SLC5A4: variants seen among roughly 807,000 people sequenced by gnomAD.
The protein encoded by SLC5A4 is solute carrier family 5 member 4.
Under a neutral mutation model 70.3 loss-of-function variants are expected in SLC5A4, and 55 were observed. The ratio of observed to expected loss-of-function variants is 0.78; its 90% confidence interval spans 0.63 to 0.98. The LOEUF (loss-of-function observed/expected upper bound fraction) is 0.98. Ranked by LOEUF, SLC5A4 falls within the 50% of genes least tolerant of loss-of-function variation. SLC5A4 has a pLI of 0.00. For synonymous variants in SLC5A4, 268 were observed against 305.7 expected (o/e 0.88, Z 1.29); for missense variants, 735 against 839.2 (o/e 0.88, Z 1.53).
the SLC5A4 span, among the ~76,000 whole-genome samples, chr22:32,334,342 TCAG>T: frequency 1.3e-5 from 2 of 152,232 alleles, no homozygotes; most frequent in South Asian, 4.1e-4. Flanking sequence ...TCCTTCCTGG[TCAG>T]CAGCAACACC....
chr22:32,341,725 A>G, the SLC5A4 span, among the ~76,000 whole-genome samples: 53 of 152,172 alleles, frequency 3.5e-4, no homozygotes, highest in African/African-American at 1.3e-3. Context: ...GCCCCTGCCA[A>G]CCTCTTCATT....
the SLC5A4 span, among the ~76,000 whole-genome samples, chr22:32,309,868 C>T: frequency 6.6e-5 from 10 of 151,438 alleles, no homozygotes; most frequent in African/African-American, 2.2e-4. Flanking sequence ...TCTGCACCTG[C>T]CTTTGCTGCA....
Position 32,251,578 on chromosome 22 carries a change from G to A in SLC5A4, c.312+192C>T, listed in dbSNP as rs5994514. Among the ~76,000 whole-genome samples, 1,208 of 151,498 alleles carry A rather than the reference G, an allele frequency of 8.0e-3. 14 individuals carry two copies. The highest frequency in any genetic ancestry group is 0.027 in the African/African-American group (1,125 of 41,208). On this transcript the variant is annotated intron_variant, in intron 3 of 14. Coordinates refer to ENST00000266086, the MANE Select transcript of SLC5A4 (RefSeq NM_014227.3). ...CACCTTCCACCTTCCACCATGGGAC[G>A]ATGAAGCAAGAAGCCCTTGCCAGAT...
At chr22:32,308,073 T>TTACC in the SLC5A4 span, among the ~76,000 whole-genome samples, 49 of 152,232 alleles carry the variant, frequency 3.2e-4, no homozygotes, top group South Asian at 5.6e-3. Flanking sequence ...TCCTTCCTTC[T>TTACC]TACCTACCTA....
the SLC5A4 span, among the ~76,000 whole-genome samples, chr22:32,282,632 C>T: frequency 4.6e-5 from 7 of 152,176 alleles, no homozygotes; most frequent in African/African-American, 1.7e-4. Flanking sequence ...GACCTCTGTC[C>T]TGACTCCTGA....
intron 10 of SLC5A4, 111 bp from the exon 11 acceptor site, chr22:32,229,455 C>A: frequency 9.1e-7 from 1 of 1,099,014 alleles, no homozygotes; most frequent in Middle Eastern, 2.8e-4. Context: ...TAACTGATGT[C>A]CTTATCAATA....
chr22:32,306,020 A>C, the SLC5A4 span, among the ~76,000 whole-genome samples: 1 of 152,136 alleles, frequency 6.6e-6, no homozygotes, highest in Admixed American at 6.5e-5. Context: ...CTGGGACCCC[A>C]GTCCCTGGTC....
chr22:32,239,518 T>TTTTATATATATATATATATATA (rs1455543266), intron 5 of SLC5A4, among the ~76,000 whole-genome samples: 1 of 25,230 alleles, frequency 4.0e-5, no homozygotes, highest in Non-Finnish European at 6.9e-5. Flanking sequence ...GGAGTGCATA[T>TTTTATATATATATATATATATA]TATATATATA....
At chr22:32,294,629 A>G in the SLC5A4 span, among the ~76,000 whole-genome samples, 1 of 150,290 alleles carries the variant, frequency 6.7e-6, no homozygotes, top group Non-Finnish European at 1.5e-5. Context: ...TAATTGCATC[A>G]TTTTAAGAGT....
At chr22:32,280,837 G>C in the SLC5A4 span, among the ~76,000 whole-genome samples, 1 of 152,172 alleles carries the variant, frequency 6.6e-6, no homozygotes, top group African/African-American at 2.4e-5. Flanking sequence ...GCATTAGAGA[G>C]ACAAACTCAG....
At chr22:32,262,732 T>A in the SLC5A4 span, among the ~76,000 whole-genome samples, 2 of 152,092 alleles carry the variant, frequency 1.3e-5, no homozygotes, top group Admixed American at 1.3e-4. Context: ...ATTCCTACAG[T>A]CAGAAATAAA....
At chr22:32,330,187 GGTAT>G in the SLC5A4 span, among the ~76,000 whole-genome samples, 1 of 97,826 alleles carries the variant, frequency 1.0e-5, no homozygotes. Flanking sequence ...GGAGGGCTTT[GGTAT>G]GTGTGTTGGG....
At chr22:32,325,132 C>T in the SLC5A4 span, among the ~76,000 whole-genome samples, 1 of 152,248 alleles carries the variant, frequency 6.6e-6, no homozygotes. Flanking sequence ...CAGTGCTCCC[C>T]TCACTCAGTG....
the SLC5A4 span, among the ~76,000 whole-genome samples, chr22:32,308,041 T>C: frequency 1.3e-5 from 2 of 152,218 alleles, no homozygotes; most frequent in Non-Finnish European, 2.9e-5. Flanking sequence ...TCCCAGTAAC[T>C]GCATCCAGGT....
At chr22:32,347,364 C>T in the SLC5A4 span, among the ~76,000 whole-genome samples, 2 of 152,080 alleles carry the variant, frequency 1.3e-5, no homozygotes, top group South Asian at 2.1e-4. Flanking sequence ...GGTATATACC[C>T]AAAGGATTAT....
At chr22:32,221,849 C>G (rs1304685970) in intron 13 of SLC5A4, among the ~76,000 whole-genome samples, 1 of 152,134 alleles carries the variant, frequency 6.6e-6, no homozygotes, top group East Asian at 1.9e-4. Context: ...CTCCTGGGCT[C>G]AAGCAATTCT....
At chr22:32,346,353 T>C in the SLC5A4 span, among the ~76,000 whole-genome samples, 1 of 152,180 alleles carries the variant, frequency 6.6e-6, no homozygotes, top group Non-Finnish European at 1.5e-5. Context: ...TGGAAAAAAC[T>C]ACTTTAAGTT....
chr22:32,305,416 A>G, the SLC5A4 span, among the ~76,000 whole-genome samples: 3 of 148,974 alleles, frequency 2.0e-5, no homozygotes, highest in African/African-American at 7.5e-5. Flanking sequence ...GATATATTTA[A>G]CAAATTGTTG....
the SLC5A4 span, among the ~76,000 whole-genome samples, chr22:32,354,072 G>A: frequency 6.7e-6 from 1 of 149,574 alleles, no homozygotes; most frequent in African/African-American, 2.5e-5. Context: ...AACCAATGTG[G>A]CCCCAGGTAG....
Sources: allele counts gnomAD v4.1 joint callset (sites outside exome capture counted in the v4.1 genomes callset), GRCh38; gene constraint gnomAD v4.1.1; transcripts MANE v1.5; gene names NCBI Gene and HGNC (gene_info 2026-07-23, HGNC 2026-07-21).